PCLO: variants seen among roughly 807,000 people sequenced by gnomAD.
PCLO encodes piccolo presynaptic cytomatrix protein.
A neutral mutation model predicts 427.5 loss-of-function variants in PCLO; 82 were observed. The observed-to-expected ratio is 0.19, with a 90% CI of 0.16 to 0.23. PCLO has a LOEUF of 0.23. PCLO is among the 10% of genes least tolerant of loss of function. The probability of loss-of-function intolerance (pLI) is 1.00; values close to 1 mark genes in which losing one functional copy is unlikely to be tolerated. For synonymous variants in PCLO, 2,357 were observed against 2,155.4 expected, an observed-to-expected ratio of 1.09 and a Z score of -2.59; for missense variants, 6,239 against 6,115.9, an observed-to-expected ratio of 1.02 and a Z score of -0.67.
At chr7:83,056,357 C>T (rs1394188299) in intron 3 of PCLO, among the ~76,000 whole-genome samples, 1 of 152,112 alleles carries the variant, frequency 6.6e-6, no homozygotes, top group African/African-American at 2.4e-5. Flanking sequence ...AGACAACAAA[C>T]AGACTTCTAA....
At chr7:82,810,516 GA>G (rs1394927952) in intron 20 of PCLO, among the ~76,000 whole-genome samples, 2 of 151,538 alleles carry the variant, frequency 1.3e-5, no homozygotes, top group Admixed American at 6.6e-5. Context: ...CTCACTCATA[GA>G]AAGGGTCCTG....
At chr7:82,904,968 T>C (rs1794150452) in intron 8 of PCLO, among the ~76,000 whole-genome samples, 1 of 152,052 alleles carries the variant, frequency 6.6e-6, no homozygotes, top group Admixed American at 6.6e-5. Context: ...GTCTTCCATG[T>C]ATGAATTAGA....
chr7:83,072,790 T>A (rs1014045331), intron 3 of PCLO, among the ~76,000 whole-genome samples: 4 of 152,066 alleles, frequency 2.6e-5, no homozygotes, highest in Non-Finnish European at 5.9e-5. Context: ...ACAGTCAAAC[T>A]TATTCAAACT....
intron 9 of PCLO, chr7:82,880,556 A>C: frequency 4.6e-6 from 1 of 215,130 alleles, no homozygotes; most frequent in South Asian, 5.9e-5. Context: ...AGTGGCTCTC[A>C]AATGGGGGTG....
At position 83,061,928 on chromosome 7, in the gene PCLO, T is replaced by C. The variant is rs142533073; in HGVS notation, c.3300+72322A>G. Among the ~76,000 whole-genome samples the C allele has an allele frequency of 9.2e-4, 140 of 152,280 alleles. 1 individual carries two copies. Among genetic ancestry groups the C allele is most frequent in the African/African-American group, 3.0e-3 (123 of 41,576 alleles). On this transcript the variant is annotated intron_variant, in intron 3 of 24. Coordinates refer to ENST00000333891, the MANE Select transcript of PCLO (RefSeq NM_033026.6). The stretch of plus-strand genomic sequence containing the variant: ...AGGCCATTTTGGCATCAAGGTCATG[T>C]ATTTCAAACCTTTTAGGATTTTTAA...
chr7:83,125,928 C>A (rs1005854697), intron 3 of PCLO, among the ~76,000 whole-genome samples: 1 of 151,938 alleles, frequency 6.6e-6, no homozygotes. Flanking sequence ...TATGCACTCC[C>A]ATGTTTACTG....
intron 9 of PCLO, chr7:82,894,504 T>C (rs2116143574): frequency 6.6e-6 from 1 of 152,374 alleles, no homozygotes; most frequent in African/African-American, 2.4e-5. Context: ...CTCCTCCTTA[T>C]AAAACCATCA....
At position 82,768,637 on chromosome 7, in the gene PCLO, T is replaced by C. The variant is rs1230292937; in HGVS notation, c.15008-7144A>G. Among the ~76,000 whole-genome samples, 3 of 152,078 alleles carry C rather than the reference T, an allele frequency of 2.0e-5. No individual in the cohort carries two copies. The East Asian group carries it at 5.8e-4, about 29-fold the overall frequency. ...TTTAATTCTACTTTAACAAAATTGA[T>C]TCTTGCTTTCTCTTTAGCTAAAGTG... On this transcript the variant is annotated intron_variant, in intron 22 of 24. Transcript: ENST00000333891.
In PCLO at chr7:82,760,632, G is replaced by C. The variant is rs57607795; in HGVS notation, c.15288+7C>G. The C allele has an allele frequency of 6.4e-7, 1 of 1,571,088 alleles. No homozygotes were observed. Among genetic ancestry groups the C allele is most frequent in the African/African-American group, 1.4e-5 (1 of 72,186 alleles). On this transcript the variant is annotated splice_region_variant and intron_variant, in intron 24 of 24. Transcript: ENST00000333891. ...TTTCAAATATGAACTACATAATACAGAGCTACCTGAAGAGAATGTCCTGCA... is the reference window on the plus strand; with the variant it reads ...TTTCAAATATGAACTACATAATACACAGCTACCTGAAGAGAATGTCCTGCA...
chr7:82,924,486 G>C (rs1794668053), intron 6 of PCLO, among the ~76,000 whole-genome samples: 1 of 152,102 alleles, frequency 6.6e-6, no homozygotes, highest in South Asian at 2.1e-4. Context: ...ACTCAGTGAA[G>C]AAGATGAATC....
At chr7:82,993,438 A>C (rs564666455) in intron 3 of PCLO, among the ~76,000 whole-genome samples, 2 of 151,986 alleles carry the variant, frequency 1.3e-5, no homozygotes, top group South Asian at 2.1e-4. Flanking sequence ...TTTTTTAAAA[A>C]AAGCCCTGAA....
At chr7:83,119,139 A>G (rs1791210888) in intron 3 of PCLO, among the ~76,000 whole-genome samples, 3 of 152,146 alleles carry the variant, frequency 2.0e-5, no homozygotes, top group Non-Finnish European at 4.4e-5. Flanking sequence ...CTACTTGCCA[A>G]ATAAGGAGCT....
At chr7:82,944,195 G>A (rs1029263504) in intron 6 of PCLO, among the ~76,000 whole-genome samples, 4 of 150,280 alleles carry the variant, frequency 2.7e-5, no homozygotes, top group Non-Finnish European at 4.4e-5. Flanking sequence ...ATGAATAGTG[G>A]GAGGATGAAT....
chr7:83,123,717 T>C (rs936897035), intron 3 of PCLO, among the ~76,000 whole-genome samples: 23 of 138,594 alleles, frequency 1.7e-4, no homozygotes, highest in Non-Finnish European at 3.7e-4. Context: ...TTGCAAACTA[T>C]CTATCTGACA....
rs577661630 is a variant in PCLO at position 83,058,960 on chromosome 7, C to A, written c.3300+75290G>T. On this transcript the variant is annotated intron_variant, in intron 3 of 24. Coordinates refer to ENST00000333891, the MANE Select transcript of PCLO (RefSeq NM_033026.6). ...CCTTAATAAATGGCAGTCCTCTCCC[C>A]CCTCCTTAAAAGGAATGCAAACTAT... Among the ~76,000 whole-genome samples the A allele has an allele frequency of 9.2e-5, 14 of 152,066 alleles. No individual in the cohort carries two copies. In the East Asian group the frequency reaches 2.7e-3, roughly 29 times the overall value.
At chr7:82,767,937 T>C (rs544936038) in intron 22 of PCLO, among the ~76,000 whole-genome samples, 112 of 150,768 alleles carry the variant, frequency 7.4e-4, no homozygotes, top group African/African-American at 2.5e-3. Flanking sequence ...TGGCAGAGGA[T>C]ATAGCAATGA....
intron 22 of PCLO, among the ~76,000 whole-genome samples, chr7:82,782,283 T>C (rs929822081): frequency 1.6e-4 from 25 of 152,312 alleles, no homozygotes; most frequent in Admixed American, 1.6e-3. Flanking sequence ...CACAGAAATC[T>C]CTGTTGCTTG....
rs946763566 is a variant in PCLO, at chr7:82,839,014, G to A, written c.14098-672C>T. ...TATTGGCTGCTGCACAATTGTGGCT[G>A]AATACTAAAAGACATAATTCAAACA... On this transcript the variant is annotated intron_variant, in intron 14 of 24. Transcript: ENST00000333891. 2.0e-5 allele frequency among the ~76,000 whole-genome samples: 3 copies of A among 152,130 alleles called. No homozygotes were observed. In the East Asian group the frequency reaches 5.8e-4, roughly 29 times the overall value.
chr7:82,757,803 A>T lies in PCLO; in HGVS notation c.*772T>A, dbSNP rs1259594163. Reference sequence around the variant, plus strand: ...AAATTCCAATATTTTATGGGGCAACATTCTTCTTTGTTAGCCAGTCATAGT... The same window carrying T: ...AAATTCCAATATTTTATGGGGCAACTTTCTTCTTTGTTAGCCAGTCATAGT... On this transcript the variant is annotated 3_prime_UTR_variant, in exon 25 of 25. Coordinates refer to ENST00000333891, the MANE Select transcript of PCLO (RefSeq NM_033026.6). 1 of 151,924 alleles carries T rather than the reference A, an allele frequency of 6.6e-6. No homozygotes were observed. Among genetic ancestry groups the T allele is most frequent in the East Asian group, 1.9e-4 (1 of 5,172 alleles). The allele number at this position is 151,924 out of a possible 1,614,324, so 9.4% of individuals were successfully genotyped here. A position where few individuals can be genotyped will look rare whatever the true frequency, so the allele number is the denominator to read the frequency against.
Sources: gnomAD v4.1 joint callset for allele counts (sites outside exome capture counted in the v4.1 genomes callset) on GRCh38, gnomAD v4.1.1 for gene constraint, MANE v1.5 for transcripts, NCBI Gene and HGNC (gene_info 2026-07-23, HGNC 2026-07-21) for gene names.